OLFM3: variants seen among roughly 807,000 people sequenced by gnomAD.
OLFM3 encodes noelin-3.
In OLFM3, 20 loss-of-function variants were observed where a neutral mutation model predicts 48.6. That is an observed-to-expected ratio of 0.41 (90% CI 0.29 to 0.60). The LOEUF is 0.60. Ranked by LOEUF, OLFM3 falls within the 20% of genes least tolerant of loss-of-function variation. The pLI, the probability that OLFM3 is intolerant of heterozygous loss-of-function variation, is 0.28. For missense variants in OLFM3, 437 were observed against 544.3 expected, an observed-to-expected ratio of 0.80 and a Z score of 1.96; for synonymous variants, 222 against 198.1, an observed-to-expected ratio of 1.12 and a Z score of -1.01.
At chr1:101,905,355 T>C (rs893678216) in intron 1 of OLFM3, among the ~76,000 whole-genome samples, 1 of 152,146 alleles carries the variant, frequency 6.6e-6, no homozygotes, top group African/African-American at 2.4e-5. Flanking sequence ...AAAGCAGCTA[T>C]TGAATAAAAA....
intron 5 of OLFM3, 142 bp from the exon 6 acceptor site, chr1:101,805,057 T>C (rs749364800): frequency 6.2e-6 from 4 of 642,168 alleles, no homozygotes; most frequent in Non-Finnish European, 7.9e-6. Flanking sequence ...CCTGCCGCAA[T>C]GTATTTCAGG....
At chr1:101,992,781 T>C (rs1661450498) in intron 1 of OLFM3, among the ~76,000 whole-genome samples, 1 of 152,170 alleles carries the variant, frequency 6.6e-6, no homozygotes, top group African/African-American at 2.4e-5. Flanking sequence ...TTATGAAACA[T>C]TCAACAATAT....
At chr1:101,825,314 A>G in intron 3 of OLFM3, 69 bp from the exon 4 acceptor site, 3 of 1,184,982 alleles carry the variant, frequency 2.5e-6, no homozygotes, top group South Asian at 1.5e-5. Flanking sequence ...TCTTTTTATT[A>G]TGATACTTAA....
intron 1 of OLFM3, among the ~76,000 whole-genome samples, chr1:101,912,659 G>A (rs1176625918): frequency 6.6e-6 from 1 of 152,268 alleles, no homozygotes. Context: ...TACGATTGAG[G>A]TACTTCAAAT....
intron 1 of OLFM3, among the ~76,000 whole-genome samples, chr1:101,936,362 C>T (rs1408060499): frequency 2.0e-5 from 3 of 151,980 alleles, no homozygotes; most frequent in Non-Finnish European, 2.9e-5. Flanking sequence ...AACCCTCTTA[C>T]AATAGCCACA....
intron 4 of OLFM3, among the ~76,000 whole-genome samples, chr1:101,815,380 G>A (rs1249008952): frequency 6.6e-6 from 1 of 151,508 alleles, no homozygotes. Flanking sequence ...CCGGGAGGTG[G>A]AACTTGCAGT....
At chr1:101,969,734 T>C (rs1199041113) in intron 1 of OLFM3, among the ~76,000 whole-genome samples, 3 of 152,062 alleles carry the variant, frequency 2.0e-5, no homozygotes, top group South Asian at 2.1e-4. Flanking sequence ...CTCTTTGGGC[T>C]TTTTTTCCCC....
chr1:101,812,836 G>A, intron 4 of OLFM3: 5 of 990,398 alleles, frequency 5.0e-6, no homozygotes, highest in Non-Finnish European at 6.0e-6. Context: ...CTGGTTTTGT[G>A]AGGAAAATTG....
intron 1 of OLFM3, among the ~76,000 whole-genome samples, chr1:101,958,533 G>A (rs137992473): frequency 9.2e-5 from 14 of 152,162 alleles, no homozygotes; most frequent in East Asian, 7.7e-4. Flanking sequence ...GACTAGCAGA[G>A]CATACAGATT....
rs115120165 is a variant in OLFM3, at chr1:101,838,749, C to T, written c.70-1724G>A. Among the ~76,000 whole-genome samples the T allele has an allele frequency of 1.2e-3, 185 of 152,240 alleles. 2 individuals carry two copies. Among genetic ancestry groups the T allele is most frequent in the Middle Eastern group, 3.4e-3 (1 of 294 alleles). On this transcript the variant is annotated intron_variant, in intron 1 of 5. Transcript: ENST00000370103. ...CCTGCCTCAGCCTCCCAAAGTGCTG[C>T]GACTAAAGCTCTAAGCCACCGCGCT...
chr1:101,976,030 A>G (rs1660943651), intron 1 of OLFM3, among the ~76,000 whole-genome samples: 1 of 152,172 alleles, frequency 6.6e-6, no homozygotes, highest in African/African-American at 2.4e-5. Context: ...CTAATAGGAG[A>G]TTTTAAGCTC....
chr1:101,885,037 A>G (rs1657692287), intron 1 of OLFM3, among the ~76,000 whole-genome samples: 1 of 151,982 alleles, frequency 6.6e-6, no homozygotes, highest in Non-Finnish European at 1.5e-5. Flanking sequence ...TGAAGATGTC[A>G]TTGTTCTTAT....
chr1:101,973,331 A>T (rs1660862157), intron 1 of OLFM3, among the ~76,000 whole-genome samples: 1 of 152,176 alleles, frequency 6.6e-6, no homozygotes, highest in Admixed American at 6.5e-5. Context: ...GAGGCAGGAG[A>T]GCATAGATGT....
chr1:101,842,380 T>C (rs969648674), intron 1 of OLFM3, among the ~76,000 whole-genome samples: 11 of 151,464 alleles, frequency 7.3e-5, no homozygotes. Flanking sequence ...CTAGGAAAAA[T>C]ACAAAAATTA....
At chr1:101,873,340 A>G (rs1170469895) in intron 1 of OLFM3, among the ~76,000 whole-genome samples, 1 of 151,970 alleles carries the variant, frequency 6.6e-6, no homozygotes, top group African/African-American at 2.4e-5. Context: ...TGTTTTATAT[A>G]TCACAATTTA....
intron 1 of OLFM3, among the ~76,000 whole-genome samples, chr1:101,851,988 T>C (rs1012733034): frequency 1.3e-5 from 2 of 152,118 alleles, no homozygotes; most frequent in Non-Finnish European, 2.9e-5. Context: ...CTGCAATTCT[T>C]GGCCCACCCT....
chr1:101,869,879 A>G (rs1469091635), intron 1 of OLFM3, among the ~76,000 whole-genome samples: 4 of 152,090 alleles, frequency 2.6e-5, no homozygotes, highest in Non-Finnish European at 5.9e-5. Flanking sequence ...CCATGACTGT[A>G]AGTTTCCTGA....
intron 1 of OLFM3, among the ~76,000 whole-genome samples, chr1:101,933,711 A>T (rs533905975): frequency 1.3e-5 from 2 of 152,198 alleles, no homozygotes; most frequent in Non-Finnish European, 1.5e-5. Context: ...AGGCAGCTAG[A>T]TAGAAGGGGC....
At chr1:101,883,072 G>A (rs1657599563) in intron 1 of OLFM3, among the ~76,000 whole-genome samples, 1 of 151,784 alleles carries the variant, frequency 6.6e-6, no homozygotes, top group African/African-American at 2.4e-5. Context: ...GAACTAAGAC[G>A]TGACCAGTGA....
Sources: allele counts gnomAD v4.1 joint callset (sites outside exome capture counted in the v4.1 genomes callset), GRCh38; gene constraint gnomAD v4.1.1; transcripts MANE v1.5; gene names NCBI Gene and HGNC (gene_info 2026-07-23, HGNC 2026-07-21).